TMCO5A: variants seen among roughly 807,000 people sequenced by gnomAD.
The protein encoded by TMCO5A is transmembrane and coiled-coil domain-containing protein 5A.
In TMCO5A, 34 loss-of-function variants were observed where a neutral mutation model predicts 42.3. The ratio of observed to expected loss-of-function variants is 0.80; its 90% CI spans 0.61 to 1.07. The LOEUF is 1.07. Among genes scored for constraint, TMCO5A ranks in the 50% least tolerant of loss-of-function variants. TMCO5A has a pLI of 0.00. For missense variants in TMCO5A, 357 were observed against 327.9 expected (o/e 1.09, Z -0.69); for synonymous variants, 131 against 115.6 (o/e 1.13, Z -0.86).
chr15:37,950,170 A>G (rs1024637050), intron 11 of TMCO5A, among the ~76,000 whole-genome samples: 4 of 152,198 alleles, frequency 2.6e-5, no homozygotes, highest in Non-Finnish European at 5.9e-5. Flanking sequence ...AAGTTATTAA[A>G]TCCAGCCCAA....
intron 11 of TMCO5A, among the ~76,000 whole-genome samples, chr15:37,948,978 T>C (rs1258663456): frequency 6.6e-6 from 1 of 151,272 alleles, no homozygotes; most frequent in African/African-American, 2.4e-5. Flanking sequence ...TTGAGAAAAG[T>C]AGAGGGAAAG....
intron 11 of TMCO5A, among the ~76,000 whole-genome samples, chr15:37,958,862 A>G (rs908747030): frequency 1.3e-5 from 2 of 152,152 alleles, no homozygotes; most frequent in Non-Finnish European, 2.9e-5. Context: ...AAGACTTGGA[A>G]CCAACCCAAA....
At chr15:37,949,010 G>A (rs1042889947) in intron 11 of TMCO5A, among the ~76,000 whole-genome samples, 2 of 151,862 alleles carry the variant, frequency 1.3e-5, no homozygotes, top group African/African-American at 4.8e-5. Flanking sequence ...GACCTTTAAG[G>A]GTGAATAGTG....
At chr15:38,036,491 CT>C in the TMCO5A span, among the ~76,000 whole-genome samples, 5 of 84,006 alleles carry the variant, frequency 6.0e-5, no homozygotes, top group African/African-American at 3.3e-4. Flanking sequence ...TTGTCTCTCT[CT>C]CTCTCACACA....
At chr15:37,966,591 C>CATTTTT in intron 11 of TMCO5A, 4 of 702,888 alleles carry the variant, frequency 5.7e-6, no homozygotes, top group Non-Finnish European at 1.0e-5. Context: ...AAAACAATGT[C>CATTTTT]TTGGGACATC....
chr15:37,950,298 G>T (rs897216853), intron 11 of TMCO5A, among the ~76,000 whole-genome samples: 1 of 151,946 alleles, frequency 6.6e-6, no homozygotes, highest in Non-Finnish European at 1.5e-5. Flanking sequence ...CTTGGGATAG[G>T]GAATTTTTTT....
At chr15:37,989,320 T>G in the TMCO5A span, among the ~76,000 whole-genome samples, 3 of 152,034 alleles carry the variant, frequency 2.0e-5, no homozygotes, top group African/African-American at 4.8e-5. Flanking sequence ...GCTCTAATCT[T>G]TATTATTTGT....
Position 37,951,225 on chromosome 15 carries a change from A to G in TMCO5A, c.858A>G (p.Leu286=). Reference sequence around the variant, plus strand: ...TCACACTTGAGACAGAGGACATGTTACCCCACTGATTCCCTAAGAAATATC... The same window carrying G: ...TCACACTTGAGACAGAGGACATGTTGCCCCACTGATTCCCTAAGAAATATC... ...PSLTLETEDM[L]PH is the part of the protein sequence containing the mutation. The change falls in exon 12 of 12, where the codon TTA becomes TTG. Residue 286 remains leucine (L), a synonymous_variant. Coordinates refer to ENST00000319669, the MANE Select transcript of TMCO5A (RefSeq NM_152453.4). The G allele has an allele frequency of 6.2e-7, 1 of 1,613,386 alleles. No homozygotes were observed. Among genetic ancestry groups the G allele is most frequent in the Middle Eastern group, 1.7e-4 (1 of 6,020 alleles).
chr15:38,040,456 T>C, the TMCO5A span: 3 of 152,136 alleles, frequency 2.0e-5, no homozygotes, highest in African/African-American at 7.2e-5. Flanking sequence ...GTACATTCCC[T>C]AGAGAAATAA....
chr15:37,937,216 C>A, intron 4 of TMCO5A, 130 bp from the exon 5 acceptor site: 1 of 1,177,364 alleles, frequency 8.5e-7, no homozygotes, highest in Non-Finnish European at 1.2e-6. Flanking sequence ...TTTCAATATA[C>A]ACATGACATT....
intron 11 of TMCO5A, among the ~76,000 whole-genome samples, chr15:37,961,525 C>A (rs1486328784): frequency 6.6e-6 from 1 of 151,802 alleles, no homozygotes. Context: ...GCTATGCGGG[C>A]TCCTTTTTTG....
chr15:37,948,148 A>G (rs1890030786), intron 11 of TMCO5A, among the ~76,000 whole-genome samples: 2 of 152,112 alleles, frequency 1.3e-5, no homozygotes, highest in South Asian at 4.1e-4. Flanking sequence ...ATCTAACAGT[A>G]TCCAACACAT....
At chr15:38,036,205 T>G in the TMCO5A span, among the ~76,000 whole-genome samples, 21 of 152,232 alleles carry the variant, frequency 1.4e-4, no homozygotes, top group Admixed American at 2.6e-4. Flanking sequence ...TACCCAGGTC[T>G]GCTAGTGGAG....
chr15:38,026,317 G>C, the TMCO5A span, among the ~76,000 whole-genome samples: 2 of 152,146 alleles, frequency 1.3e-5, no homozygotes, highest in Non-Finnish European at 2.9e-5. Flanking sequence ...GGAACTTTTT[G>C]GGGACTGGAT....
At chr15:38,040,689 G>A in the TMCO5A span, 1 of 152,144 alleles carries the variant, frequency 6.6e-6, no homozygotes, top group Non-Finnish European at 1.5e-5. Flanking sequence ...AAAGAAAGAA[G>A]CCGGTCACAA....
At chr15:37,943,458 C>A in intron 10 of TMCO5A, 60 bp downstream of exon 10, 3 of 1,557,476 alleles carry the variant, frequency 1.9e-6, no homozygotes, top group Non-Finnish European at 1.8e-6. Context: ...AAGCCATCTC[C>A]AGCAAACTAT....
At chr15:37,984,020 A>T in the TMCO5A span, among the ~76,000 whole-genome samples, 1 of 152,116 alleles carries the variant, frequency 6.6e-6, no homozygotes, top group Non-Finnish European at 1.5e-5. Context: ...AACTACACTT[A>T]TGTCTTCTGA....
chr15:37,945,592 T>C (rs770768488), intron 10 of TMCO5A, among the ~76,000 whole-genome samples: 9 of 152,202 alleles, frequency 5.9e-5, no homozygotes, highest in Non-Finnish European at 1.3e-4. Flanking sequence ...TGGTTTTTCA[T>C]TGTGGTTTTG....
the TMCO5A span, among the ~76,000 whole-genome samples, chr15:38,017,546 CAG>C: frequency 2.0e-5 from 3 of 152,112 alleles, no homozygotes; most frequent in Admixed American, 6.6e-5. Flanking sequence ...AAAAAGCACT[CAG>C]TGGTACAGGA....
Sources: allele counts gnomAD v4.1 joint callset (sites outside exome capture counted in the v4.1 genomes callset), GRCh38; gene constraint gnomAD v4.1.1; transcripts MANE v1.5; gene names NCBI Gene and HGNC (gene_info 2026-07-23, HGNC 2026-07-21).